TXNL4A: variants seen among roughly 807,000 people sequenced by gnomAD.
TXNL4A encodes the protein thioredoxin like 4A, also known as thioredoxin-like protein 4A.
In TXNL4A, 17 loss-of-function variants were observed where a neutral mutation model predicts 14.6. The observed-to-expected ratio is 1.16, with a 90% CI of 0.80 to 1.74. TXNL4A has a LOEUF of 1.74. TXNL4A is among the 40% of genes most tolerant of loss of function. TXNL4A has a pLI of 0.00. For missense variants in TXNL4A, 74 were observed against 195.2 expected (o/e 0.38, Z 3.70); for synonymous variants, 83 against 70.6 (o/e 1.18, Z -0.88).
intron 2 of TXNL4A, among the ~76,000 whole-genome samples, chr18:79,974,748 G>T (rs768173872): frequency 2.0e-5 from 3 of 152,062 alleles, no homozygotes; most frequent in Non-Finnish European, 2.9e-5. Context: ...CAAAGTGCTG[G>T]GATTACAAAC....
chr18:80,020,638 G>A (rs2051842538), intron 1 of TXNL4A, among the ~76,000 whole-genome samples: 1 of 152,160 alleles, frequency 6.6e-6, no homozygotes, highest in Non-Finnish European at 1.5e-5. Context: ...ACTGAGCGTA[G>A]GTGCTTTAAG....
chr18:80,013,827 T>C (rs1244677182), intron 1 of TXNL4A, among the ~76,000 whole-genome samples: 2 of 152,238 alleles, frequency 1.3e-5, no homozygotes, highest in Admixed American at 6.5e-5. Context: ...ATTTTCATGC[T>C]GCTGATAAAG....
At chr18:79,977,751 T>A in intron 1 of TXNL4A, 50 bp from the exon 2 acceptor site, 1 of 1,174,172 alleles carries the variant, frequency 8.5e-7, no homozygotes, top group Non-Finnish European at 1.2e-6. Context: ...ACTTTGGCTT[T>A]CATTTTATAG....
chr18:79,991,151 A>G (rs4410147), upstream of TXNL4A, among the ~76,000 whole-genome samples: 114,326 of 149,136 alleles, frequency 0.77, 44,977 homozygotes, highest in East Asian at 0.91. Flanking sequence ...TCTAATCCAT[A>G]TACTATAAAA....
intron 1 of TXNL4A, among the ~76,000 whole-genome samples, chr18:80,013,747 T>C (rs1448813898): frequency 6.6e-6 from 1 of 152,254 alleles, no homozygotes; most frequent in Non-Finnish European, 1.5e-5. Context: ...CCCAGCCTAC[T>C]TCTGTTAAAT....
intron 1 of TXNL4A, among the ~76,000 whole-genome samples, chr18:80,032,724 C>T (rs2051930777): frequency 6.6e-6 from 1 of 152,192 alleles, no homozygotes; most frequent in South Asian, 2.1e-4. Context: ...GCTGTAATCC[C>T]AGCTACACGA....
chr18:80,027,561 A>G lies in TXNL4A; in HGVS notation c.-61+6290T>C, dbSNP rs181348055. 1.6e-3 allele frequency among the ~76,000 whole-genome samples: 239 copies of G among 152,316 alleles called. 1 individual carries two copies. The highest frequency in any genetic ancestry group is 5.5e-3 in the African/African-American group (230 of 41,560). ...TTGGAAAGAAGGGCAATATATGTGG[A>G]CGGTAATGCCTCAAGGGTATACACA... On this transcript the variant is annotated intron_variant, in intron 1 of 2. Transcript: ENST00000585474.
intron 1 of TXNL4A, among the ~76,000 whole-genome samples, 167 bp downstream of exon 1, chr18:79,988,073 C>T (rs1384316182): frequency 6.6e-6 from 1 of 152,206 alleles, no homozygotes; most frequent in East Asian, 1.9e-4. Flanking sequence ...AACGCCGGCA[C>T]AGTCCCCGAG....
intron 1 of TXNL4A, among the ~76,000 whole-genome samples, chr18:80,017,804 G>A (rs572968538): frequency 2.6e-5 from 4 of 152,194 alleles, no homozygotes; most frequent in South Asian, 4.2e-4. Context: ...TGTTCATCAC[G>A]GATATTGGTC....
In TXNL4A at chr18:80,010,347, G is replaced by A. The variant is rs532789314; in HGVS notation, c.-61+23504C>T. Among the ~76,000 whole-genome samples, 30 of 152,052 alleles carry A rather than the reference G, an allele frequency of 2.0e-4. 1 individual carries two copies. The highest frequency in any genetic ancestry group is 1.0e-3 in the South Asian group (5 of 4,812). On this transcript the variant is annotated intron_variant, in intron 1 of 2. Transcript: ENST00000585474. ...GAGAACACGTGACTCAGCTTGTCCC[G>A]GGACCTTGGCCCAGGACCTACTGGA...
intron 1 of TXNL4A, among the ~76,000 whole-genome samples, chr18:80,014,175 G>A (rs894200833): frequency 6.6e-6 from 1 of 151,850 alleles, no homozygotes; most frequent in Non-Finnish European, 1.5e-5. Context: ...ATTCTTCCCC[G>A]GCCCCTCCAA....
chr18:79,989,278 T>C (rs1188206414), upstream of TXNL4A, among the ~76,000 whole-genome samples: 1 of 152,144 alleles, frequency 6.6e-6, no homozygotes, highest in African/African-American at 2.4e-5. Context: ...CGGCTAGTGT[T>C]TTTTTGTACT....
At chr18:80,029,864 T>C (rs555229147) in intron 1 of TXNL4A, among the ~76,000 whole-genome samples, 3 of 151,712 alleles carry the variant, frequency 2.0e-5, no homozygotes, top group African/African-American at 7.2e-5. Context: ...GAGGGACTTA[T>C]CGCCTTAAAA....
intron 1 of TXNL4A, among the ~76,000 whole-genome samples, chr18:80,001,481 C>T (rs1191029369): frequency 2.0e-5 from 3 of 152,140 alleles, no homozygotes; most frequent in Non-Finnish European, 2.9e-5. Flanking sequence ...CCATCAACAG[C>T]TTGCTCTGTG....
chr18:80,016,455 G>T (rs2051811229), intron 1 of TXNL4A, among the ~76,000 whole-genome samples: 1 of 151,494 alleles, frequency 6.6e-6, no homozygotes, highest in Non-Finnish European at 1.5e-5. Flanking sequence ...TGTCCTGAAT[G>T]GTAATGCCTA....
chr18:80,021,456 C>T (rs2051848415), intron 1 of TXNL4A, among the ~76,000 whole-genome samples: 1 of 152,134 alleles, frequency 6.6e-6, no homozygotes, highest in Admixed American at 6.5e-5. Context: ...GGATTACAGG[C>T]ATGAGCCACT....
At chr18:79,988,163 A>C (rs574597250) in intron 1 of TXNL4A, 77 bp downstream of exon 1, 1 of 1,333,932 alleles carries the variant, frequency 7.5e-7, no homozygotes, top group South Asian at 2.1e-5. Context: ...TCGCGCCCCC[A>C]GGCGACGCCG....
At position 79,988,471 on chromosome 18, in the gene TXNL4A, T is replaced by TCCCCGG. The variant is rs1333666973; in HGVS notation, c.-85_-80dup. The stretch of plus-strand genomic sequence containing the variant: ...GAGGTGGGCTCAGCCGGCCCCTCAC[T>TCCCCGG]CCCCGGCCCCCGCCGCCCCCGGGCC... On this transcript the variant is annotated 5_prime_UTR_variant, in exon 1 of 3. Transcript: ENST00000269601. 8.0e-7 allele frequency: 1 copy of TCCCCGG among 1,247,674 alleles called. No individual in the cohort carries two copies. The highest frequency in any genetic ancestry group is 1.0e-6 in the Non-Finnish European group (1 of 991,340). The allele number at this position is 1,247,674 out of a possible 1,614,324, so 77.3% of individuals were successfully genotyped here. A position where few individuals can be genotyped will look rare whatever the true frequency, so the allele number is the denominator to read the frequency against.
chr18:80,024,636 T>A (rs2051872495), intron 1 of TXNL4A, among the ~76,000 whole-genome samples: 1 of 152,188 alleles, frequency 6.6e-6, no homozygotes. Context: ...GAGAATCACC[T>A]GAGGGTGTCT....
Sources: gnomAD v4.1 joint callset for allele counts (sites outside exome capture counted in the v4.1 genomes callset) on GRCh38, gnomAD v4.1.1 for gene constraint, MANE v1.5 for transcripts, NCBI Gene and HGNC (gene_info 2026-07-23, HGNC 2026-07-21) for gene names.